MCPH1: variants seen among roughly 807,000 people sequenced by gnomAD.
MCPH1 encodes the protein microcephalin 1.
Under a neutral mutation model 84.5 loss-of-function variants are expected in MCPH1, and 104 were observed. The ratio of observed to expected loss-of-function variants is 1.23; its 90% confidence interval spans 1.05 to 1.45. The LOEUF (loss-of-function observed/expected upper bound fraction) is 1.45. Among genes scored for constraint, MCPH1 ranks in the 40% most tolerant of loss-of-function variants. The pLI, the probability that MCPH1 is intolerant of heterozygous loss-of-function variation, is 0.00. For missense variants in MCPH1, 1,498 were observed against 1,005.7 expected, an observed-to-expected ratio of 1.49 and a Z score of -6.62; for synonymous variants, 514 against 366.8, an observed-to-expected ratio of 1.40 and a Z score of -4.58.
At chr8:6,510,792 CT>C (rs1334121614) in intron 12 of MCPH1, among the ~76,000 whole-genome samples, 1 of 152,170 alleles carries the variant, frequency 6.6e-6, no homozygotes, top group African/African-American at 2.4e-5. Context: ...ATGTGGAGTT[CT>C]GTAAGTGTTG....
At chr8:6,466,197 C>T (rs1043139155) in intron 9 of MCPH1, among the ~76,000 whole-genome samples, 11 of 147,158 alleles carry the variant, frequency 7.5e-5, no homozygotes, top group African/African-American at 2.3e-4. Flanking sequence ...AGTGCAGTTG[C>T]GCGATCTTTG....
chr8:6,579,943 C>T (rs534583683), intron 12 of MCPH1, among the ~76,000 whole-genome samples: 36 of 152,300 alleles, frequency 2.4e-4, no homozygotes, highest in African/African-American at 7.2e-4. Flanking sequence ...TGGGCCAGGA[C>T]GCTGCCACCA....
At chr8:6,435,717 C>A (rs566941797) in intron 4 of MCPH1, among the ~76,000 whole-genome samples, 1 of 152,104 alleles carries the variant, frequency 6.6e-6, no homozygotes, top group African/African-American at 2.4e-5. Flanking sequence ...CAAAGTTGAA[C>A]TAGATTGGGC....
intron 13 of MCPH1, among the ~76,000 whole-genome samples, chr8:6,637,860 G>C (rs1184656093): frequency 1.3e-5 from 2 of 152,144 alleles, no homozygotes; most frequent in Non-Finnish European, 2.9e-5. Flanking sequence ...CGTATCGATG[G>C]AGGTGTTGTG....
intron 12 of MCPH1, among the ~76,000 whole-genome samples, chr8:6,525,191 T>C (rs1411365394): frequency 4.6e-5 from 7 of 152,210 alleles, no homozygotes; most frequent in Non-Finnish European, 1.0e-4. Flanking sequence ...TAACAATCAG[T>C]ATTAATAATA....
rs531829120 is a variant in MCPH1, at chr8:6,428,400, T to C, written c.234-3099T>C. On this transcript the variant is annotated intron_variant, in intron 3 of 13. Transcript: ENST00000344683. Reference sequence around the variant, plus strand: ...TCACTGTTGTGTATGTGGTCTGTCATTGACCAAAAGGTTGTTATGCGGCAT... The same window carrying C: ...TCACTGTTGTGTATGTGGTCTGTCACTGACCAAAAGGTTGTTATGCGGCAT... 6.6e-5 allele frequency among the ~76,000 whole-genome samples: 10 copies of C among 152,328 alleles called. No individual in the cohort carries two copies. In the East Asian group the frequency reaches 1.9e-3, roughly 29 times the overall value.
At chr8:6,631,170 G>A (rs1057102477) in intron 13 of MCPH1, among the ~76,000 whole-genome samples, 66 of 152,330 alleles carry the variant, frequency 4.3e-4, no homozygotes, top group Admixed American at 1.0e-3. Context: ...CAAGCTGCAG[G>A]GAGCAGACCA....
At position 6,466,596 on chromosome 8, in the gene MCPH1, C is replaced by G. The variant is rs558126311; in HGVS notation, c.1936-10998C>G. On this transcript the variant is annotated intron_variant, in intron 9 of 13. Transcript: ENST00000344683. ...TGCTGGGATTACAGGCATGAGCCAC[C>G]ACGCGCAGCCCTTTTTTTGTGTTTT... Among the ~76,000 whole-genome samples, 363 of 152,272 alleles carry G rather than the reference C, an allele frequency of 2.4e-3. 4 individuals are homozygous for G. The highest frequency in any genetic ancestry group is 8.5e-3 in the African/African-American group (352 of 41,550).
intron 12 of MCPH1, among the ~76,000 whole-genome samples, chr8:6,555,555 G>T (rs1356254693): frequency 6.6e-6 from 1 of 151,516 alleles, no homozygotes; most frequent in African/African-American, 2.4e-5. Context: ...TGTGCCTCCT[G>T]GGTTCAAATG....
intron 12 of MCPH1, among the ~76,000 whole-genome samples, chr8:6,596,470 GGT>G (rs1293686871): frequency 2.0e-5 from 3 of 152,200 alleles, no homozygotes; most frequent in Non-Finnish European, 4.4e-5. Context: ...GTCTAACGTA[GGT>G]ATCTTATAAG....
intron 13 of MCPH1, among the ~76,000 whole-genome samples, chr8:6,637,130 C>T (rs1051932145): frequency 6.6e-6 from 1 of 152,240 alleles, no homozygotes; most frequent in Non-Finnish European, 1.5e-5. Flanking sequence ...ATTTCCTACA[C>T]ACTCGTCATA....
At chr8:6,537,604 G>C (rs138440630) in intron 12 of MCPH1, among the ~76,000 whole-genome samples, 1 of 151,700 alleles carries the variant, frequency 6.6e-6, no homozygotes, top group East Asian at 1.9e-4. Flanking sequence ...AATATGTTCT[G>C]AAGTTTTTTA....
chr8:6,566,540 T>G (rs1235198546), intron 12 of MCPH1, among the ~76,000 whole-genome samples: 1 of 151,818 alleles, frequency 6.6e-6, no homozygotes, highest in East Asian at 1.9e-4. Context: ...GTGGTCGGCA[T>G]GGCCATTAAC....
chr8:6,548,096 C>T (rs1375749393), intron 12 of MCPH1, among the ~76,000 whole-genome samples: 1 of 152,122 alleles, frequency 6.6e-6, no homozygotes, highest in Non-Finnish European at 1.5e-5. Context: ...GCGGAAGAAC[C>T]TACATTGGAG....
chr8:6,620,639 A>G (rs939099148), intron 12 of MCPH1, among the ~76,000 whole-genome samples: 2 of 152,220 alleles, frequency 1.3e-5, no homozygotes, highest in Admixed American at 1.3e-4. Flanking sequence ...AAGCAGGGAA[A>G]ATACGCAAAA....
chr8:6,488,899 G>A (rs1411707939), intron 11 of MCPH1, among the ~76,000 whole-genome samples: 1 of 152,072 alleles, frequency 6.6e-6, no homozygotes, highest in Non-Finnish European at 1.5e-5. Context: ...GGGTTGATAG[G>A]TGGAGAGGAG....
chr8:6,566,412 C>T (rs575155065), intron 12 of MCPH1, among the ~76,000 whole-genome samples: 71 of 151,432 alleles, frequency 4.7e-4, no homozygotes, highest in Non-Finnish European at 8.3e-4. Context: ...AGGCCATCCA[C>T]AGTCCACACA....
At chr8:6,535,651 A>C (rs1820350070) in intron 12 of MCPH1, among the ~76,000 whole-genome samples, 2 of 152,168 alleles carry the variant, frequency 1.3e-5, no homozygotes, top group Non-Finnish European at 2.9e-5. Context: ...AATAAAAGAA[A>C]ATTCTGTGTG....
chr8:6,623,516 C>T (rs117483653), intron 13 of MCPH1, among the ~76,000 whole-genome samples: 2,081 of 152,100 alleles, frequency 0.014, 22 homozygotes, highest in Non-Finnish European at 0.023. Flanking sequence ...CCTTAATAGA[C>T]AAGTAGATAC....
Sources: allele counts gnomAD v4.1 joint callset (sites outside exome capture counted in the v4.1 genomes callset), GRCh38; gene constraint gnomAD v4.1.1; transcripts MANE v1.5; gene names NCBI Gene and HGNC (gene_info 2026-07-23, HGNC 2026-07-21).